Variants in MVB12B observed in about 807,000 individuals in gnomAD.
MVB12B encodes the protein multivesicular body subunit 12B, also known as ESCRT-I complex subunit MVB12B.
In MVB12B, 16 loss-of-function variants were observed where a neutral mutation model predicts 41.6. The ratio of observed to expected loss-of-function variants is 0.38; its 90% CI spans 0.26 to 0.58. MVB12B has a LOEUF of 0.58. Among genes scored for constraint, MVB12B ranks in the 20% least tolerant of loss-of-function variants. The pLI is 0.62. For synonymous variants in MVB12B, 133 were observed against 139.7 expected (o/e 0.95, Z 0.34); for missense variants, 274 against 380.2 (o/e 0.72, Z 2.32).
At chr9:126,385,097 A>G (rs541122315) in intron 3 of MVB12B, among the ~76,000 whole-genome samples, 14 of 152,088 alleles carry the variant, frequency 9.2e-5, no homozygotes, top group East Asian at 1.9e-4. Flanking sequence ...TTGGCCTCCC[A>G]AAGTGTTGGG....
chr9:126,338,969 G>T (rs1392690884), intron 1 of MVB12B, among the ~76,000 whole-genome samples: 1 of 152,204 alleles, frequency 6.6e-6, no homozygotes, highest in African/African-American at 2.4e-5. Context: ...AGAAAATGAT[G>T]CAGTGATGCA....
intron 7 of MVB12B, among the ~76,000 whole-genome samples, chr9:126,434,573 G>A (rs1449039084): frequency 6.6e-6 from 1 of 152,300 alleles, no homozygotes; most frequent in Admixed American, 6.5e-5. Context: ...CTACCTAGAG[G>A]CAATAAACAC....
At chr9:126,421,742 CT>C in intron 6 of MVB12B, 111 bp from the exon 7 acceptor site, 1 of 794,442 alleles carries the variant, frequency 1.3e-6, no homozygotes, top group South Asian at 1.5e-5. Flanking sequence ...CCAGAAGCAC[CT>C]GCTCTGCCCG....
rs1833630312 is a variant in MVB12B, at chr9:126,486,880, A to G, written c.873+2848A>G. On this transcript the variant is annotated intron_variant, in intron 9 of 9. Coordinates refer to ENST00000361171, the MANE Select transcript of MVB12B (RefSeq NM_033446.3). The surrounding 1 kb of genome is among the most constrained non-coding windows in gnomAD (Gnocchi z 4.7). Reference sequence around the variant, plus strand: ...CTCTAGGCTGGTGGCCAGTCAGTCTAGTTCCTTAACCTGGGTGGGCCTTCG... The same window carrying G: ...CTCTAGGCTGGTGGCCAGTCAGTCTGGTTCCTTAACCTGGGTGGGCCTTCG... Among the ~76,000 whole-genome samples the G allele has an allele frequency of 6.6e-6, 1 of 151,514 alleles. No individual in the cohort carries two copies. Among genetic ancestry groups the G allele is most frequent in the African/African-American group, 2.4e-5 (1 of 41,296 alleles).
intron 7 of MVB12B, among the ~76,000 whole-genome samples, chr9:126,474,501 A>G (rs779631449): frequency 1.3e-4 from 20 of 152,062 alleles, no homozygotes; most frequent in Non-Finnish European, 2.4e-4. Flanking sequence ...ATGAGAGGAG[A>G]CATGGATGTT....
chr9:126,336,357 C>T (rs376840820), intron 1 of MVB12B, among the ~76,000 whole-genome samples: 2 of 152,226 alleles, frequency 1.3e-5, no homozygotes, highest in African/African-American at 2.4e-5. Context: ...CCTTTGATTC[C>T]GAAACAATGT....
chr9:126,477,005 T>C (rs1387942631), intron 7 of MVB12B, among the ~76,000 whole-genome samples: 1 of 152,172 alleles, frequency 6.6e-6, no homozygotes, highest in African/African-American at 2.4e-5. Flanking sequence ...TACCTGAGAC[T>C]GGGTCATTGA....
At chr9:126,339,608 C>G (rs907355981) in intron 1 of MVB12B, among the ~76,000 whole-genome samples, 7 of 152,294 alleles carry the variant, frequency 4.6e-5, no homozygotes, top group African/African-American at 1.7e-4. Flanking sequence ...TCTCAAAGTG[C>G]CCAGCAAGAA....
intron 6 of MVB12B, chr9:126,397,568 C>T (rs1831151825): frequency 1.0e-6 from 1 of 985,128 alleles, no homozygotes; most frequent in Non-Finnish European, 1.2e-6. Flanking sequence ...TGAGTTAAGT[C>T]AGCCAATATG....
Position 126,486,341 on chromosome 9 carries a change from G to A in MVB12B, c.873+2309G>A, listed in dbSNP as rs773686389. Among the ~76,000 whole-genome samples, 21 of 152,278 alleles carry A rather than the reference G, an allele frequency of 1.4e-4. No individual in the cohort carries two copies. Among genetic ancestry groups the A allele is most frequent in the African/African-American group, 3.9e-4 (16 of 41,542 alleles). On this transcript the variant is annotated intron_variant, in intron 9 of 9. Coordinates refer to ENST00000361171, the MANE Select transcript of MVB12B (RefSeq NM_033446.3). The surrounding 1 kb of genome is among the most constrained non-coding windows in gnomAD (Gnocchi z 4.7). The stretch of plus-strand genomic sequence containing the variant: ...ACAGCCCATTTGCATGGGGCCCTGC[G>A]TGTGGTGCAGCCCAGGGTATGTGAG...
intron 7 of MVB12B, among the ~76,000 whole-genome samples, chr9:126,457,600 G>A (rs1029290207): frequency 2.6e-5 from 4 of 152,092 alleles, no homozygotes; most frequent in Admixed American, 1.3e-4. Context: ...TGTACCCATC[G>A]GATGTTGGAG....
chr9:126,353,714 G>A (rs1318029658), intron 2 of MVB12B, among the ~76,000 whole-genome samples: 1 of 152,130 alleles, frequency 6.6e-6, no homozygotes, highest in African/African-American at 2.4e-5. Context: ...GTCATGACAT[G>A]TCACTCAGCC....
At chr9:126,451,872 G>A (rs191302553) in intron 7 of MVB12B, among the ~76,000 whole-genome samples, 45 of 152,344 alleles carry the variant, frequency 3.0e-4, no homozygotes, top group Non-Finnish European at 5.1e-4. Flanking sequence ...TAGGTTAGCC[G>A]TGTGACTGAT....
chr9:126,440,280 A>G (rs942965845), intron 7 of MVB12B, among the ~76,000 whole-genome samples: 2 of 152,170 alleles, frequency 1.3e-5, no homozygotes, highest in African/African-American at 4.8e-5. Context: ...TGTGCTAACT[A>G]GGCCGAAGTA....
intron 2 of MVB12B, among the ~76,000 whole-genome samples, chr9:126,378,654 T>TCTC (rs1830553263): frequency 2.0e-5 from 3 of 150,808 alleles, no homozygotes; most frequent in African/African-American, 7.4e-5. Context: ...CTCTCTCTCT[T>TCTC]TCTTTCTTCC....
At chr9:126,483,367 T>C (rs1833564442) in intron 8 of MVB12B, among the ~76,000 whole-genome samples, 2 of 152,230 alleles carry the variant, frequency 1.3e-5, no homozygotes, top group Admixed American at 6.5e-5. Flanking sequence ...TTATAAAAAC[T>C]CTCATTAAAA....
chr9:126,379,269 T>G (rs1830570924), intron 2 of MVB12B, among the ~76,000 whole-genome samples: 1 of 152,250 alleles, frequency 6.6e-6, no homozygotes, highest in Non-Finnish European at 1.5e-5. Context: ...TATGGTGCTG[T>G]GCCTTTTTCG....
At chr9:126,357,040 C>T (rs926385064) in intron 2 of MVB12B, among the ~76,000 whole-genome samples, 1 of 152,154 alleles carries the variant, frequency 6.6e-6, no homozygotes, top group Admixed American at 6.5e-5. Flanking sequence ...CCATCACTCC[C>T]CCAACCCCAC....
rs1438096261 is a variant in MVB12B, at chr9:126,506,198, G to T, written c.*2935G>T. On this transcript the variant is annotated 3_prime_UTR_variant, in exon 10 of 10. Transcript: ENST00000361171. ...GTGGGGTCACGTAAAGGAATTGCAG[G>T]TCGGTGAGAGGACAAGAGGGACTCC... The T allele has an allele frequency of 6.6e-6, 1 of 152,662 alleles. No individual in the cohort carries two copies. The highest frequency in any genetic ancestry group is 1.5e-5 in the Non-Finnish European group (1 of 68,072). The allele number at this position is 152,662 out of a possible 1,614,324, so 9.5% of individuals were successfully genotyped here.
Sources: allele counts gnomAD v4.1 joint callset (sites outside exome capture counted in the v4.1 genomes callset), GRCh38; gene constraint gnomAD v4.1.1; non-coding constraint Gnocchi (gnomAD v3.1); transcripts MANE v1.5; gene names NCBI Gene and HGNC (gene_info 2026-07-23, HGNC 2026-07-21).